SOX5: variants seen among roughly 807,000 people sequenced by gnomAD.
SOX5 encodes the protein SRY-box transcription factor 5.
Under a neutral mutation model 92.0 loss-of-function variants are expected in SOX5, and 9 were observed. That is an observed-to-expected ratio of 0.10 (90% CI 0.06 to 0.17). The LOEUF (loss-of-function observed/expected upper bound fraction) is 0.17. Among genes scored for constraint, SOX5 ranks in the 10% least tolerant of loss-of-function variants. SOX5 has a pLI of 1.00. For missense variants in SOX5, 642 were observed against 944.5 expected, an observed-to-expected ratio of 0.68 and a Z score of 4.20; for synonymous variants, 344 against 336.3, an observed-to-expected ratio of 1.02 and a Z score of -0.25.
chr12:23,680,105 C>T (rs941551186), intron 6 of SOX5, among the ~76,000 whole-genome samples: 1 of 151,644 alleles, frequency 6.6e-6, no homozygotes, highest in Non-Finnish European at 1.5e-5. Flanking sequence ...GTGGGCACAT[C>T]GCTTGAGCTC....
intron 1 of SOX5, among the ~76,000 whole-genome samples, chr12:23,934,522 A>G (rs1325669570): frequency 6.7e-6 from 1 of 149,848 alleles, no homozygotes; most frequent in Non-Finnish European, 1.5e-5. Flanking sequence ...TACAACATGA[A>G]TATTTTATTT....
At chr12:23,682,025 CA>C (rs557782617) in intron 6 of SOX5, among the ~76,000 whole-genome samples, 1,610 of 149,880 alleles carry the variant, frequency 0.011, 7 homozygotes, top group South Asian at 0.024. Context: ...ACTGATAGCT[CA>C]AAAAAAAAAA....
At chr12:24,044,643 T>C (rs932633360) in intron 4 of SOX5, among the ~76,000 whole-genome samples, 1 of 152,196 alleles carries the variant, frequency 6.6e-6, no homozygotes, top group Non-Finnish European at 1.5e-5. Context: ...TTCCTGGCTA[T>C]CTCCAAATAT....
At chr12:23,575,567 C>G (rs777462380) in intron 10 of SOX5, 94 bp downstream of exon 10, 15 of 1,169,140 alleles carry the variant, frequency 1.3e-5, no homozygotes, top group Admixed American at 1.9e-5. Flanking sequence ...GAATTCAAGC[C>G]GTGTATAGAG....
intron 2 of SOX5, among the ~76,000 whole-genome samples, chr12:24,357,661 G>A (rs1200812251): frequency 1.3e-5 from 2 of 152,020 alleles, no homozygotes; most frequent in Non-Finnish European, 2.9e-5. Flanking sequence ...TGGGCAACAC[G>A]GTGAAACTCC....
chr12:24,139,231 T>C (rs917101982), intron 4 of SOX5, among the ~76,000 whole-genome samples: 3 of 152,208 alleles, frequency 2.0e-5, no homozygotes, highest in Non-Finnish European at 4.4e-5. Context: ...AATAAGAGTT[T>C]AGGCATTCAC....
At chr12:23,839,075 C>T (rs1397238052) in intron 3 of SOX5, among the ~76,000 whole-genome samples, 3 of 151,714 alleles carry the variant, frequency 2.0e-5, no homozygotes, top group African/African-American at 7.3e-5. Flanking sequence ...TCTCAAACTC[C>T]TGACCTCAGG....
chr12:24,001,371 C>A (rs2136374147), intron 4 of SOX5, among the ~76,000 whole-genome samples: 1 of 152,180 alleles, frequency 6.6e-6, no homozygotes, highest in South Asian at 2.1e-4. Context: ...GGATTACAAG[C>A]ATGAGCCACC....
chr12:24,154,514 T>TA (rs1023408099), intron 4 of SOX5, among the ~76,000 whole-genome samples: 3 of 151,940 alleles, frequency 2.0e-5, no homozygotes, highest in Non-Finnish European at 4.4e-5. Context: ...TTTAAAAGGG[T>TA]AAAAGAGAAA....
intron 8 of SOX5, among the ~76,000 whole-genome samples, chr12:23,611,127 T>C (rs1204523208): frequency 6.6e-6 from 1 of 152,090 alleles, no homozygotes; most frequent in Non-Finnish European, 1.5e-5. Flanking sequence ...TATAAAATTA[T>C]TATTTGACCA....
At chr12:24,505,850 T>TGC (rs1176008992) in intron 1 of SOX5, among the ~76,000 whole-genome samples, 1,843 of 142,326 alleles carry the variant, frequency 0.013, 20 homozygotes, top group Middle Eastern at 0.053. Flanking sequence ...TGTGTGTGTG[T>TGC]GTGCGTGTGT....
At chr12:23,861,877 A>T (rs2096760440) in intron 2 of SOX5, among the ~76,000 whole-genome samples, 2 of 152,302 alleles carry the variant, frequency 1.3e-5, no homozygotes, top group Non-Finnish European at 2.9e-5. Flanking sequence ...AAAAATAATT[A>T]AAAAGATCCT....
intron 2 of SOX5, among the ~76,000 whole-genome samples, chr12:24,338,996 T>C (rs1952246746): frequency 6.6e-6 from 1 of 152,182 alleles, no homozygotes; most frequent in Non-Finnish European, 1.5e-5. Context: ...TTCACAAATA[T>C]TGATTTGTCA....
At chr12:24,044,099 G>T (rs1274683708) in intron 4 of SOX5, among the ~76,000 whole-genome samples, 1 of 151,924 alleles carries the variant, frequency 6.6e-6, no homozygotes, top group Non-Finnish European at 1.5e-5. Flanking sequence ...TTTGCCTTGG[G>T]GCATCCACAA....
At chr12:23,552,223 A>C (rs1285792054) in intron 11 of SOX5, among the ~76,000 whole-genome samples, 1 of 151,948 alleles carries the variant, frequency 6.6e-6, no homozygotes, top group African/African-American at 2.4e-5. Flanking sequence ...CACTTAATGT[A>C]TACTCCAGAA....
chr12:24,232,914 A>C (rs1197605119), intron 3 of SOX5, among the ~76,000 whole-genome samples: 1 of 152,236 alleles, frequency 6.6e-6, no homozygotes, highest in Non-Finnish European at 1.5e-5. Flanking sequence ...ACATGGCAGC[A>C]ATCTACTGGT....
intron 8 of SOX5, among the ~76,000 whole-genome samples, chr12:23,628,312 T>C (rs909761916): frequency 3.1e-4 from 47 of 152,202 alleles, no homozygotes; most frequent in African/African-American, 1.1e-3. Context: ...AGTCATATGC[T>C]ACAGTATAGT....
chr12:24,016,046 C>T (rs1953560702), intron 4 of SOX5, among the ~76,000 whole-genome samples: 2 of 152,224 alleles, frequency 1.3e-5, no homozygotes, highest in Non-Finnish European at 2.9e-5. Flanking sequence ...AAGGCCAAGG[C>T]CAACCAGTCA....
intron 4 of SOX5, among the ~76,000 whole-genome samples, chr12:24,110,660 C>T (rs1947214538): frequency 1.3e-5 from 2 of 151,850 alleles, no homozygotes; most frequent in South Asian, 2.1e-4. Flanking sequence ...CCGAGGCGGA[C>T]GGATCACGAG....
Sources: allele counts gnomAD v4.1 joint callset (sites outside exome capture counted in the v4.1 genomes callset), GRCh38; gene constraint gnomAD v4.1.1; transcripts MANE v1.5; gene names NCBI Gene and HGNC (gene_info 2026-07-23, HGNC 2026-07-21).